PCDH9: variants seen among roughly 807,000 people sequenced by gnomAD.
The protein encoded by PCDH9 is protocadherin 9.
In PCDH9, 24 loss-of-function variants were observed where a neutral mutation model predicts 70.6. That is an observed-to-expected ratio of 0.34 (90% CI 0.25 to 0.48). The LOEUF is 0.48. Among genes scored for constraint, PCDH9 ranks in the 20% least tolerant of loss-of-function variants. The pLI is 0.99. For missense variants in PCDH9, 1,281 were observed against 1,503.6 expected, an observed-to-expected ratio of 0.85 and a Z score of 2.45; for synonymous variants, 562 against 558.5, an observed-to-expected ratio of 1.01 and a Z score of -0.09.
At chr13:66,386,286 C>G (rs1246220400) in intron 4 of PCDH9, among the ~76,000 whole-genome samples, 1 of 152,040 alleles carries the variant, frequency 6.6e-6, no homozygotes, top group Non-Finnish European at 1.5e-5. Context: ...TTCCCCTCTC[C>G]ATTACTTAAG....
chr13:66,955,176 G>A (rs2083248155), intron 2 of PCDH9, among the ~76,000 whole-genome samples: 1 of 152,160 alleles, frequency 6.6e-6, no homozygotes, highest in Admixed American at 6.5e-5. Flanking sequence ...TGAAAGATCA[G>A]AATTCTGACA....
chr13:66,476,963 T>C (rs1253807578), intron 4 of PCDH9, among the ~76,000 whole-genome samples: 1 of 152,122 alleles, frequency 6.6e-6, no homozygotes, highest in Non-Finnish European at 1.5e-5. Context: ...GGATAATTCA[T>C]TTTTGTTAAC....
intron 4 of PCDH9, among the ~76,000 whole-genome samples, chr13:66,321,729 A>G (rs1955759086): frequency 6.6e-6 from 1 of 152,038 alleles, no homozygotes; most frequent in African/African-American, 2.4e-5. Context: ...TGCTCATGCC[A>G]AAAGATGAGC....
intron 4 of PCDH9, among the ~76,000 whole-genome samples, chr13:66,387,137 A>C (rs1305984774): frequency 6.6e-6 from 1 of 152,084 alleles, no homozygotes; most frequent in African/African-American, 2.4e-5. Flanking sequence ...CAAATAAAAA[A>C]CTCAGATTCA....
intron 2 of PCDH9, among the ~76,000 whole-genome samples, chr13:67,119,931 A>G (rs763594710): frequency 6.6e-6 from 1 of 152,050 alleles, no homozygotes; most frequent in Non-Finnish European, 1.5e-5. Flanking sequence ...AACATTACCA[A>G]ATCTTCCACA....
chr13:66,612,606 T>C (rs2077306219), intron 4 of PCDH9, among the ~76,000 whole-genome samples: 1 of 152,160 alleles, frequency 6.6e-6, no homozygotes, highest in Admixed American at 6.5e-5. Context: ...TTTAATTGTT[T>C]ATCTGAAATT....
intron 3 of PCDH9, among the ~76,000 whole-genome samples, chr13:66,863,391 C>T (rs906081099): frequency 3.3e-5 from 5 of 152,136 alleles, no homozygotes; most frequent in Non-Finnish European, 5.9e-5. Context: ...AAACAAATCC[C>T]AGAAAATCGA....
Position 66,418,686 on chromosome 13 carries a change from A to G in PCDH9, c.3341-113658T>C, listed in dbSNP as rs188987515. Among the ~76,000 whole-genome samples, 4 of 152,318 alleles carry G rather than the reference A, an allele frequency of 2.6e-5. 1 individual carries two copies. The highest frequency in any genetic ancestry group is 2.6e-4 in the Admixed American group (4 of 15,302). ...TAAAATCATAATTAAAAGAAAGAGA[A>G]GCAAAAGCAAACAAATTCAAAAACT... On this transcript the variant is annotated intron_variant, in intron 4 of 4. Coordinates refer to ENST00000377865, the MANE Select transcript of PCDH9 (RefSeq NM_203487.3).
chr13:66,923,477 A>G (rs1594265146), intron 2 of PCDH9, among the ~76,000 whole-genome samples: 2 of 151,614 alleles, frequency 1.3e-5, no homozygotes, highest in Non-Finnish European at 3.0e-5. Flanking sequence ...TCTAATTTAT[A>G]TAATTCTGGC....
intron 4 of PCDH9, among the ~76,000 whole-genome samples, chr13:66,326,608 C>T (rs1383111787): frequency 6.6e-6 from 1 of 151,968 alleles, no homozygotes; most frequent in Admixed American, 6.5e-5. Flanking sequence ...TCACTAGAGA[C>T]GGGTTTTGCC....
intron 4 of PCDH9, among the ~76,000 whole-genome samples, chr13:66,533,840 A>C (rs1960574851): frequency 6.6e-6 from 1 of 152,168 alleles, no homozygotes; most frequent in Non-Finnish European, 1.5e-5. Context: ...AACCTCCGCA[A>C]ACATATGGCC....
chr13:67,199,631 G>T (rs1297966340), intron 2 of PCDH9, among the ~76,000 whole-genome samples: 1 of 151,996 alleles, frequency 6.6e-6, no homozygotes, highest in East Asian at 1.9e-4. Flanking sequence ...GGATAGAACT[G>T]CTGGAAACCA....
At chr13:67,023,590 A>C (rs562940832) in intron 2 of PCDH9, among the ~76,000 whole-genome samples, 5 of 152,124 alleles carry the variant, frequency 3.3e-5, no homozygotes, top group Non-Finnish European at 7.4e-5. Flanking sequence ...AGAGCAAAGA[A>C]CTCTCAATTT....
rs1190484571 is a variant in PCDH9 at position 66,901,603 on chromosome 13, A to G, written c.3138+1901T>C. 2.0e-5 allele frequency among the ~76,000 whole-genome samples: 3 copies of G among 151,882 alleles called. No individual in the cohort carries two copies. The East Asian group carries it at 5.8e-4, about 29-fold the overall frequency. On this transcript the variant is annotated intron_variant, in intron 3 of 4. Transcript: ENST00000377865. ...GATTTACTTTCACTGTTCTTTCACA[A>G]ATGGACTAATAATATAAATAAACAT...
chr13:66,957,701 CTCTT>C (rs1410772618), intron 2 of PCDH9, among the ~76,000 whole-genome samples: 1 of 152,114 alleles, frequency 6.6e-6, no homozygotes, highest in Non-Finnish European at 1.5e-5. Flanking sequence ...CTCACTCACT[CTCTT>C]TCTCTCTCTC....
At chr13:66,362,177 T>C (rs1956482460) in intron 4 of PCDH9, among the ~76,000 whole-genome samples, 1 of 152,114 alleles carries the variant, frequency 6.6e-6, no homozygotes, top group Admixed American at 6.6e-5. Flanking sequence ...ATTAATAAAA[T>C]TGTCAAATAG....
intron 4 of PCDH9, among the ~76,000 whole-genome samples, chr13:66,510,551 C>T (rs1276654273): frequency 1.3e-5 from 2 of 152,178 alleles, no homozygotes; most frequent in East Asian, 3.9e-4. Context: ...TGATGTCCCC[C>T]TTCCTGTGTC....
intron 3 of PCDH9, among the ~76,000 whole-genome samples, chr13:66,758,549 TTCTA>T (rs376025945): frequency 5.3e-5 from 8 of 152,194 alleles, no homozygotes; most frequent in East Asian, 1.9e-4. Context: ...AATTTATTCC[TTCTA>T]TCTATCTGTA....
chr13:66,790,099 A>C (rs1386036901), intron 3 of PCDH9, among the ~76,000 whole-genome samples: 19 of 152,190 alleles, frequency 1.2e-4, no homozygotes. Context: ...CTGAAGCCAC[A>C]TGCAGACCAC....
Sources: gnomAD v4.1 joint callset for allele counts (sites outside exome capture counted in the v4.1 genomes callset) on GRCh38, gnomAD v4.1.1 for gene constraint, MANE v1.5 for transcripts, NCBI Gene and HGNC (gene_info 2026-07-23, HGNC 2026-07-21) for gene names.